KNOP1: variants seen among roughly 807,000 people sequenced by gnomAD.
KNOP1 encodes the protein lysine rich nucleolar protein 1.
KNOP1 carries 20 observed loss-of-function variants against 30.6 expected under a neutral mutation model. That is an observed-to-expected ratio of 0.65 (90% CI 0.46 to 0.95). The LOEUF is 0.95. Among genes scored for constraint, KNOP1 ranks in the 40% least tolerant of loss-of-function variants. KNOP1 has a pLI of 0.00. For missense variants in KNOP1, 540 were observed against 562.0 expected (o/e 0.96, Z 0.40); for synonymous variants, 204 against 210.0 (o/e 0.97, Z 0.25).
At position 19,705,717 on chromosome 16, in the gene KNOP1, C is replaced by A. The variant is rs954775785; in HGVS notation, c.*1193G>T. The A allele has an allele frequency of 6.4e-6, 1 of 157,334 alleles. No individual in the cohort carries two copies. Among genetic ancestry groups the A allele is most frequent in the East Asian group, 1.9e-4 (1 of 5,340 alleles). The allele number at this position is 157,334 out of a possible 1,614,324, so 9.7% of individuals were successfully genotyped here. ...GACTAGCCTGGACAATATAGTGAGA[C>A]CCCATCTCTACAAAAAATTTTAAAC... On this transcript the variant is annotated 3_prime_UTR_variant, in exon 5 of 5. Coordinates refer to ENST00000219837, the MANE Select transcript of KNOP1 (RefSeq NM_001012991.3).
chr16:19,717,882 G>A (rs1977262862), intron 1 of KNOP1: 2 of 1,057,736 alleles, frequency 1.9e-6, no homozygotes, highest in Non-Finnish European at 2.3e-6. Flanking sequence ...ACGCGCGGGA[G>A]CCAGGAAGTA....
chr16:19,708,749 C>G (rs1450329773), intron 4 of KNOP1, among the ~76,000 whole-genome samples: 1 of 152,204 alleles, frequency 6.6e-6, no homozygotes, highest in Admixed American at 6.5e-5. Flanking sequence ...ACACATTCTC[C>G]CAGCTTCATG....
At chr16:19,716,697 AC>A (rs1377654489) in intron 1 of KNOP1, among the ~76,000 whole-genome samples, 2 of 152,176 alleles carry the variant, frequency 1.3e-5, no homozygotes, top group East Asian at 3.8e-4. Context: ...GGTTTCCGTT[AC>A]CCCTGGTCAA....
chr16:19,714,722 C>G lies in KNOP1; in HGVS notation c.314G>C (p.Gly105Ala), dbSNP rs1976917825. Residue 105 changes from glycine to alanine, a missense_variant, in exon 2 of 5, where the codon GGC becomes GCC. By Grantham distance (60) the Gly-to-Ala change is moderately conservative. Coordinates refer to ENST00000219837, the MANE Select transcript of KNOP1 (RefSeq NM_001012991.3). ...TTCCCCACTGAGGAACTCCAAGTGG[C>G]CAAACACCTGCTTCCTGAGGCTGGG... ...KSPSLRKQVF[G>A]HLEFLSGEKK... 6.2e-7 allele frequency: 1 copy of G among 1,614,078 alleles called. No individual in the cohort carries two copies. The highest frequency in any genetic ancestry group is 1.3e-5 in the African/African-American group (1 of 74,922).
intron 3 of KNOP1, among the ~76,000 whole-genome samples, chr16:19,710,981 C>G (rs996355915): frequency 1.3e-5 from 2 of 151,632 alleles, no homozygotes; most frequent in Non-Finnish European, 2.9e-5. Context: ...GCATTTGCCA[C>G]GGGATATGGG....
intron 2 of KNOP1, chr16:19,711,702 G>C (rs1278008589): frequency 1.0e-5 from 5 of 491,984 alleles, no homozygotes; most frequent in African/African-American, 9.8e-5. Context: ...TGACTACAAG[G>C]TTACCCCACG....
Position 19,704,132 on chromosome 16 carries a change from G to A in KNOP1, c.*2778C>T, listed in dbSNP as rs896256498. ...AGTCTCATTCTGTTGCCCGGGGCTA[G>A]AGTGTGCAGTGGCACCATCCCAGCT... On this transcript the variant is annotated 3_prime_UTR_variant, in exon 5 of 5. Coordinates refer to ENST00000219837, the MANE Select transcript of KNOP1 (RefSeq NM_001012991.3). The A allele has an allele frequency of 6.6e-6, 1 of 152,230 alleles. No individual in the cohort carries two copies. Among genetic ancestry groups the A allele is most frequent in the Non-Finnish European group, 1.5e-5 (1 of 68,128 alleles). The allele number at this position is 152,230 out of a possible 1,614,324, so 9.4% of individuals were successfully genotyped here.
chr16:19,717,074 C>T (rs1438031131), intron 1 of KNOP1, among the ~76,000 whole-genome samples: 3 of 151,848 alleles, frequency 2.0e-5, no homozygotes, highest in Non-Finnish European at 4.4e-5. Context: ...AACTACTGGC[C>T]TCAGGTGATC....
Position 19,706,943 on chromosome 16 carries a change from C to T in KNOP1, c.1344G>A (p.Arg448=). ...TAPNKIFYID[R]NASKSVKLED ...CCAGCTTGACTGACTTGGAAGCGTT[C>T]CTGTCAATGTAAAAGATCTTGTTGG... Residue 448 remains arginine, a synonymous_variant, in exon 5 of 5, where the codon AGG becomes AGA. Transcript: ENST00000219837. 6.2e-7 allele frequency: 1 copy of T among 1,613,036 alleles called. No homozygotes were observed. Among genetic ancestry groups the T allele is most frequent in the Non-Finnish European group, 8.5e-7 (1 of 1,180,032 alleles).
rs370509115 is a variant in KNOP1 at position 19,714,264 on chromosome 16, T to C, written c.772A>G (p.Ile258Val). 43 of 1,614,188 alleles carry C rather than the reference T, an allele frequency of 2.7e-5. No individual in the cohort carries two copies. The Middle Eastern group carries it at 4.9e-4, about 19-fold the overall frequency. Reference sequence around the variant, plus strand: ...GCGGAGGCCTTAGGGTCATCACTTATGGGGATGTATTCCGGAGCCTCAACT... The same window carrying C: ...GCGGAGGCCTTAGGGTCATCACTTACGGGGATGTATTCCGGAGCCTCAACT... ...VKVEAPEYIPISDDPKASAKK... is the reference protein window; with the variant it reads ...VKVEAPEYIPVSDDPKASAKK... The change falls in exon 2 of 5, where the codon ATA (isoleucine) becomes GTA (valine). Residue 258 changes from isoleucine (I) to valine (V), a missense_variant. Transcript: ENST00000219837.
At chr16:19,712,059 A>T (rs573028206) in intron 2 of KNOP1, 2 of 152,938 alleles carry the variant, frequency 1.3e-5, no homozygotes, top group African/African-American at 4.8e-5. Context: ...CCTGCAACAC[A>T]TGTGCATTTG....
In KNOP1 at chr16:19,717,810, G is replaced by A. The variant is rs143884432; in HGVS notation, c.-3+348C>T. 270 of 999,278 alleles carry A rather than the reference G, an allele frequency of 2.7e-4. No homozygotes were observed. In the African/African-American group the frequency reaches 4.4e-3, roughly 16 times the overall value. The allele number at this position is 999,278 out of a possible 1,614,324, so 61.9% of individuals were successfully genotyped here. On this transcript the variant is annotated intron_variant, in intron 1 of 4. Coordinates refer to ENST00000219837, the MANE Select transcript of KNOP1 (RefSeq NM_001012991.3). ...AGTGGAAAACGGAGACTGGAATTCC[G>A]CCCACAGGACTCCAAAGCCTGTGCA...
intron 2 of KNOP1, among the ~76,000 whole-genome samples, chr16:19,712,605 G>C (rs1976777769): frequency 6.6e-6 from 1 of 152,226 alleles, no homozygotes. Context: ...TGGAGCCTCA[G>C]TTTCCTGATC....
chr16:19,717,326 A>G (rs763590200), intron 1 of KNOP1: 1 of 985,434 alleles, frequency 1.0e-6, no homozygotes, highest in Non-Finnish European at 1.2e-6. Flanking sequence ...GAGATAAAGG[A>G]GCTTGCAAAG....
At chr16:19,708,617 A>T (rs930224543) in intron 4 of KNOP1, among the ~76,000 whole-genome samples, 1 of 152,094 alleles carries the variant, frequency 6.6e-6, no homozygotes, top group East Asian at 1.9e-4. Context: ...CAGACTGCTG[A>T]CATCGACGCT....
Position 19,711,555 on chromosome 16 carries a change from A to G in KNOP1, c.919-115T>C, listed in dbSNP as rs1976724161. ...TCCAGAAAAGACCTCAGACCACGGCATCACCCCCAGCCCTGCCACCTAGAA... is the reference window on the plus strand; with the variant it reads ...TCCAGAAAAGACCTCAGACCACGGCGTCACCCCCAGCCCTGCCACCTAGAA... On this transcript the variant is annotated intron_variant, in intron 2 of 4. Coordinates refer to ENST00000219837, the MANE Select transcript of KNOP1 (RefSeq NM_001012991.3). 3.3e-6 allele frequency: 3 copies of G among 919,142 alleles called. No individual in the cohort carries two copies. The Admixed American group carries it at 5.6e-5, about 17-fold the overall frequency. The allele number at this position is 919,142 out of a possible 1,614,324, so 56.9% of individuals were successfully genotyped here.
rs185611923 is a variant in KNOP1 at position 19,713,724 on chromosome 16, G to A, written c.918+394C>T. The stretch of plus-strand genomic sequence containing the variant: ...ATACTCAGATAGCTACAGGCACTAC[G>A]TTATCTCATGTTACTTGGTTCCTGA... On this transcript the variant is annotated intron_variant, in intron 2 of 4. Transcript: ENST00000219837. Among the ~76,000 whole-genome samples, 28 of 152,282 alleles carry A rather than the reference G, an allele frequency of 1.8e-4. No homozygotes were observed. The South Asian group carries it at 5.4e-3, about 29-fold the overall frequency.
In KNOP1 at chr16:19,707,027, G is replaced by A. The variant is rs770806313; in HGVS notation, c.1260C>T (p.Tyr420=). 5.3e-5 allele frequency: 86 copies of A among 1,614,014 alleles called. No individual in the cohort carries two copies. Among genetic ancestry groups the A allele is most frequent in the Non-Finnish European group, 6.8e-5 (80 of 1,180,042 alleles). Reference sequence around the variant, plus strand: ...TGTACTTCCAGCTCATGGCCCGGTCGTAGTCCCGCTGCAGATTCTGCTGCA... The same window carrying A: ...TGTACTTCCAGCTCATGGCCCGGTCATAGTCCCGCTGCAGATTCTGCTGCA... ...DSLQQNLQRD[Y]DRAMSWKYSR... is the part of the protein sequence containing the mutation. Residue 420 remains tyrosine, a synonymous_variant, in exon 5 of 5, where the codon TAC becomes TAT. Transcript: ENST00000219837.
Position 19,703,503 on chromosome 16 carries a change from G to A in KNOP1, c.*3407C>T, listed in dbSNP as rs901875227. On this transcript the variant is annotated 3_prime_UTR_variant, in exon 5 of 5. Coordinates refer to ENST00000219837, the MANE Select transcript of KNOP1 (RefSeq NM_001012991.3). ...ACAAATACACAGGTTCTGAGGAGATGTGGTAGGAAGGGGTGTTATTCTGCC... is the reference window on the plus strand; with the variant it reads ...ACAAATACACAGGTTCTGAGGAGATATGGTAGGAAGGGGTGTTATTCTGCC... 2.6e-5 allele frequency: 4 copies of A among 151,954 alleles called. No individual in the cohort carries two copies. Among genetic ancestry groups the A allele is most frequent in the Non-Finnish European group, 4.4e-5 (3 of 68,006 alleles). 9.4% of individuals were successfully genotyped at this position (151,954 alleles called of 1,614,324 possible).
Sources: allele counts gnomAD v4.1 joint callset (sites outside exome capture counted in the v4.1 genomes callset), GRCh38; gene constraint gnomAD v4.1.1; transcripts MANE v1.5; gene names NCBI Gene and HGNC (gene_info 2026-07-23, HGNC 2026-07-21).